Variants in RBP3 observed in about 807,000 individuals in gnomAD.
The protein encoded by RBP3 is retinol-binding protein 3.
RBP3 carries 50 observed loss-of-function variants against 64.8 expected under a neutral mutation model. That is an observed-to-expected ratio of 0.77 (90% CI 0.61 to 0.98). The LOEUF is 0.98. RBP3 is among the 50% of genes least tolerant of loss of function. The probability of loss-of-function intolerance (pLI) is 0.00; values close to 1 mark genes in which losing one functional copy is unlikely to be tolerated. For synonymous variants in RBP3, 828 were observed against 730.2 expected (o/e 1.13, Z -2.16); for missense variants, 1,712 against 1,660.5 (o/e 1.03, Z -0.54).
At position 47,357,338 on chromosome 10, in the gene RBP3, G is replaced by A; in HGVS notation, c.3625G>A (p.Val1209Met). 6.2e-7 allele frequency: 1 copy of A among 1,614,174 alleles called. No homozygotes were observed. The highest frequency in any genetic ancestry group is 8.5e-7 in the Non-Finnish European group (1 of 1,180,042). ...CTCGGATGGCAGCTCCTGGGAAGGG[G>A]TGGGGGTGACACCCCATGTGGTTGT... is the stretch of plus-strand genomic sequence containing the variant. ...GASDGSSWEG[V>M]GVTPHVVVPA... The change falls in exon 4 of 4, where the codon GTG (valine) becomes ATG (methionine). Residue 1209 changes from valine to methionine, a missense_variant. Physicochemically the swap from Val to Met is conservative, Grantham distance 21. Transcript: ENST00000584701.
intron 3 of RBP3, among the ~76,000 whole-genome samples, chr10:47,356,801 A>G (rs1024296977): frequency 6.6e-6 from 1 of 152,202 alleles, no homozygotes; most frequent in Non-Finnish European, 1.5e-5. Context: ...CTCATTATTC[A>G]TGAAGAGAGA....
In RBP3 at chr10:47,357,149, G is replaced by T; in HGVS notation, c.3436G>T (p.Val1146Leu). 1 of 1,613,350 alleles carries T rather than the reference G, an allele frequency of 6.2e-7. No homozygotes were observed. Among genetic ancestry groups the T allele is most frequent in the Non-Finnish European group, 8.5e-7 (1 of 1,179,948 alleles). ...GAGCATGGTCATTCTGACCAGCAGT[G>T]TGACGGCCGGCACCGCGGAGGAGTT... ...KKSMVILTSS[V>L]TAGTAEEFTY... is the part of the protein sequence containing the mutation. Residue 1146 changes from valine to leucine, a missense_variant, in exon 4 of 4, where the codon GTG becomes TTG. Physicochemically the swap from Val to Leu is conservative, Grantham distance 32. Transcript: ENST00000584701.
rs782049223 is a variant in RBP3, at chr10:47,349,756, A to G, written c.1272A>G (p.Ala424=). 2.5e-6 allele frequency: 4 copies of G among 1,612,978 alleles called. No homozygotes were observed. Among genetic ancestry groups the G allele is most frequent in the Admixed American group, 1.7e-5 (1 of 60,028 alleles). The part of the protein sequence containing the change: ...ELPEDEAIRQ[A]LVDSVFQVSV... ...CTGAGGACGAGGCTATCCGGCAAGC[A>G]CTGGTGGACTCTGTGTTCCAGGTGT... The change falls in exon 1 of 4, where the codon GCA becomes GCG. Residue 424 remains alanine (A), a synonymous_variant. Transcript: ENST00000584701.
rs782122797 is a variant in RBP3, at chr10:47,350,659, G to A, written c.2175G>A (p.Glu725=). 10 of 1,612,958 alleles carry A rather than the reference G, an allele frequency of 6.2e-6. No homozygotes were observed. The highest frequency in any genetic ancestry group is 1.7e-5 in the Admixed American group (1 of 60,026). The part of the protein sequence containing the change: ...PPPPAVPSPE[E]LTYLIEALFK... ...CCCCTGCTGTCCCCTCTCCAGAGGA[G>A]CTCACCTACCTTATTGAGGCCCTGT... is the stretch of plus-strand genomic sequence containing the variant. Residue 725 remains glutamate, a synonymous_variant, in exon 1 of 4, where the codon GAG becomes GAA. Transcript: ENST00000584701.
Position 47,351,346 on chromosome 10 carries a change from T to C in RBP3, c.2862T>C (p.Ser954=), listed in dbSNP as rs1836970366. The C allele has an allele frequency of 6.2e-7, 1 of 1,613,446 alleles. No individual in the cohort carries two copies. Among genetic ancestry groups the C allele is most frequent in the South Asian group, 1.1e-5 (1 of 91,092 alleles). The change falls in exon 1 of 4, where the codon TCT becomes TCC. Residue 954 remains serine (S), a synonymous_variant. Coordinates refer to ENST00000584701, the MANE Select transcript of RBP3 (RefSeq NM_002900.3). The stretch of plus-strand genomic sequence containing the variant: ...AGCTGGTGGCTGATAACTATGCCTC[T>C]GCCGAGCTGGGGGCCAAGATGGCCA... ...AGKLVADNYA[S]AELGAKMATK...
chr10:47,356,917 T>G (rs975306881), intron 3 of RBP3, among the ~76,000 whole-genome samples, 185 bp from the exon 4 acceptor site: 65 of 152,330 alleles, frequency 4.3e-4, no homozygotes, highest in Non-Finnish European at 4.4e-5. Context: ...GCATGCATTC[T>G]TGTCCCCATT....
rs782079974 is a variant in RBP3, at chr10:47,350,251, C to G, written c.1767C>G (p.Leu589=). ...TGCTGGACACACCCGAAGGCAGCCT[C>G]GCGCTCACCGTGCCGGTCCTCACCT... is the stretch of plus-strand genomic sequence containing the variant. ...VPLLDTPEGS[L]ALTVPVLTFI... The change falls in exon 1 of 4, where the codon CTC becomes CTG. Residue 589 remains leucine, a synonymous_variant. Coordinates refer to ENST00000584701, the MANE Select transcript of RBP3 (RefSeq NM_002900.3). The G allele has an allele frequency of 6.2e-7, 1 of 1,607,276 alleles. No individual in the cohort carries two copies. Among genetic ancestry groups the G allele is most frequent in the African/African-American group, 1.3e-5 (1 of 74,944 alleles).
chr10:47,354,529 G>A (rs1460971297), intron 2 of RBP3, among the ~76,000 whole-genome samples: 1 of 152,212 alleles, frequency 6.6e-6, no homozygotes, highest in Non-Finnish European at 1.5e-5. Context: ...CTGAGCTTGA[G>A]GCTCCTGGGG....
rs782480502 is a variant in RBP3, at chr10:47,350,237, C to A, written c.1753C>A (p.Pro585Thr). 40 of 1,607,974 alleles carry A rather than the reference C, an allele frequency of 2.5e-5. No individual in the cohort carries two copies. The highest frequency in any genetic ancestry group is 3.3e-4 in the Middle Eastern group (2 of 6,082). ...HTRTVPLLDTPEGSLALTVPV... is the reference protein window; with the variant it reads ...HTRTVPLLDTTEGSLALTVPV... ...CCGCACGGTGCCGCTGCTGGACACA[C>A]CCGAAGGCAGCCTCGCGCTCACCGT... The change falls in exon 1 of 4, where the codon CCC (proline) becomes ACC (threonine). Residue 585 changes from proline to threonine, a missense_variant. Transcript: ENST00000584701.
In RBP3 at chr10:47,357,389, G is replaced by A. The variant is rs782076623; in HGVS notation, c.3676G>A (p.Ala1226Thr). The A allele has an allele frequency of 6.2e-7, 1 of 1,614,100 alleles. No individual in the cohort carries two copies. Among genetic ancestry groups the A allele is most frequent in the Non-Finnish European group, 8.5e-7 (1 of 1,179,996 alleles). The change falls in exon 4 of 4, where the codon GCC becomes ACC. Residue 1226 changes from alanine (A) to threonine (T), a missense_variant. Ala to Thr is a moderately conservative substitution (Grantham distance 58). Transcript: ENST00000584701. Reference sequence around the variant, plus strand: ...CCCTGCAGAAGAGGCTCTCGCCAGGGCCAAGGAGATGCTCCAGCACAACCA... The same window carrying A: ...CCCTGCAGAAGAGGCTCTCGCCAGGACCAAGGAGATGCTCCAGCACAACCA... ...VVPAEEALAR[A>T]KEMLQHNQLR... is the part of the protein sequence containing the mutation.
chr10:47,350,598 C>T lies in RBP3; in HGVS notation c.2114C>T (p.Pro705Leu). Residue 705 changes from proline (P) to leucine (L), a missense_variant, in exon 1 of 4, where the codon CCT (proline) becomes CTT (leucine). Pro to Leu is a moderately conservative substitution (Grantham distance 98). Coordinates refer to ENST00000584701, the MANE Select transcript of RBP3 (RefSeq NM_002900.3). ...CACCGCTTGCTAGTGTTCCACAGCC[C>T]TGGCGAGCTGGTGGTAGAGGAAGCA... is the stretch of plus-strand genomic sequence containing the variant. ...GDHRLLVFHS[P>L]GELVVEEAPP... The T allele has an allele frequency of 6.2e-7, 1 of 1,612,982 alleles. No individual in the cohort carries two copies. The highest frequency in any genetic ancestry group is 1.1e-5 in the South Asian group (1 of 91,084).
chr10:47,349,369 G>T lies in RBP3; in HGVS notation c.885G>T (p.Thr295=). ...SLGPLGGGSQ[T]WEGSGVLPCV... is the part of the protein sequence containing the mutation. ...GGCCCCTTGGTGGAGGCAGCCAGAC[G>T]TGGGAGGGCAGCGGGGTGCTGCCCT... Residue 295 remains threonine, a synonymous_variant, in exon 1 of 4, where the codon ACG becomes ACT. Coordinates refer to ENST00000584701, the MANE Select transcript of RBP3 (RefSeq NM_002900.3). 1.2e-6 allele frequency: 2 copies of T among 1,612,270 alleles called. No individual in the cohort carries two copies. Among genetic ancestry groups the T allele is most frequent in the African/African-American group, 1.3e-5 (1 of 75,056 alleles).
chr10:47,349,711 A>C lies in RBP3; in HGVS notation c.1227A>C (p.Pro409=), dbSNP rs782242086. The C allele has an allele frequency of 2.5e-6, 4 of 1,612,024 alleles. No individual in the cohort carries two copies. The South Asian group carries it at 4.4e-5, about 18-fold the overall frequency. ...CCGACGCTGCAGCCGAAGACTCACCAGGGGTGGCCCCAGAGTTGCCTGAGG... is the reference window on the plus strand; with the variant it reads ...CCGACGCTGCAGCCGAAGACTCACCCGGGGTGGCCCCAGAGTTGCCTGAGG... The part of the protein sequence containing the change: ...PAPDAAAEDS[P]GVAPELPEDE... Residue 409 remains proline (P), a synonymous_variant, in exon 1 of 4, where the codon CCA becomes CCC. Transcript: ENST00000584701.
In RBP3 at chr10:47,357,297, C is replaced by G; in HGVS notation, c.3584C>G (p.Ala1195Gly). The change falls in exon 4 of 4, where the codon GCC (alanine) becomes GGC (glycine). Residue 1195 changes from alanine to glycine, a missense_variant. By Grantham distance (60) the Ala-to-Gly change is moderately conservative (BLOSUM62 0). Transcript: ENST00000584701. ...AACCTCTACCTCACTATCCCCACGG[C>G]CCGTTCTGTGGGGGCCTCGGATGGC... ...DTNLYLTIPT[A>G]RSVGASDGSS... 1 of 1,614,186 alleles carries G rather than the reference C, an allele frequency of 6.2e-7. No individual in the cohort carries two copies.
In RBP3 at chr10:47,350,890, G is replaced by A; in HGVS notation, c.2406G>A (p.Glu802=). The change falls in exon 1 of 4, where the codon GAG becomes GAA. Residue 802 remains glutamate (E), a synonymous_variant. Transcript: ENST00000584701. ...CGCTGCTCTGCTCCTACTTCTTTGA[G>A]GCAGAGCCCCGCCAGCACCTGTATT... ...AIPLLCSYFF[E]AEPRQHLYSV... is the part of the protein sequence containing the mutation. 6.2e-7 allele frequency: 1 copy of A among 1,611,850 alleles called. No individual in the cohort carries two copies. Among genetic ancestry groups the A allele is most frequent in the East Asian group, 2.2e-5 (1 of 44,836 alleles).
Position 47,350,049 on chromosome 10 carries a change from G to A in RBP3, c.1565G>A (p.Ser522Asn), listed in dbSNP as rs782656030. ...ACCAACATCACGCAGGAGCACTTCA[G>A]CCACATGGAGCTCCCGGGCCCACGC... ...RRTNITQEHF[S>N]HMELPGPRYS... The change falls in exon 1 of 4, where the codon AGC (serine) becomes AAC (asparagine). Residue 522 changes from serine to asparagine, a missense_variant. Coordinates refer to ENST00000584701, the MANE Select transcript of RBP3 (RefSeq NM_002900.3). The A allele has an allele frequency of 3.1e-6, 5 of 1,612,982 alleles. No homozygotes were observed. The Admixed American group carries it at 8.3e-5, about 27-fold the overall frequency.
chr10:47,351,659 A>C, intron 1 of RBP3, 121 bp downstream of exon 1: 1 of 1,295,282 alleles, frequency 7.7e-7, no homozygotes, highest in Non-Finnish European at 1.1e-6. Flanking sequence ...CTCACGTTTA[A>C]GTTTTGACCG....
At chr10:47,355,607 T>C (rs1403560558) in intron 3 of RBP3, 89 bp downstream of exon 3, 17 of 1,552,896 alleles carry the variant, frequency 1.1e-5, no homozygotes, top group Non-Finnish European at 1.4e-5. Context: ...GTAAAAGTCA[T>C]AGTAACCAGA....
chr10:47,350,704 C>CGG lies in RBP3; in HGVS notation c.2221_2222dup (p.Gln742AlafsTer17), dbSNP rs782510883. 2 of 1,613,156 alleles carry CGG rather than the reference C, an allele frequency of 1.2e-6. No homozygotes were observed. Among genetic ancestry groups the CGG allele is most frequent in the Non-Finnish European group, 1.7e-6 (2 of 1,180,022 alleles). On this transcript the variant is annotated frameshift_variant, in exon 1 of 4. Transcript: ENST00000584701. LOFTEE classifies it high-confidence loss of function. ...CCCTGTTCAAGACAGAGGTGCTGCC[C>CGG]GGCCAGCTGGGCTACCTGCGTTTTG...
Sources: allele counts gnomAD v4.1 joint callset (sites outside exome capture counted in the v4.1 genomes callset), GRCh38; gene constraint gnomAD v4.1.1; transcripts MANE v1.5; gene names NCBI Gene and HGNC (gene_info 2026-07-23, HGNC 2026-07-21).